The following MNAT1 variants were observed in gnomAD, a reference collection of about 807,000 sequenced individuals.
MNAT1 encodes the protein CDK-activating kinase assembly factor MAT1.
MNAT1 carries 43 observed loss-of-function variants against 42.0 expected under a neutral mutation model. That is an observed-to-expected ratio of 1.02 (90% CI 0.80 to 1.32). The LOEUF (loss-of-function observed/expected upper bound fraction) is 1.32. Among genes scored for constraint, MNAT1 ranks in the 40% most tolerant of loss-of-function variants. MNAT1 has a pLI of 0.00. For synonymous variants in MNAT1, 118 were observed against 120.0 expected, an observed-to-expected ratio of 0.98 and a Z score of 0.11; for missense variants, 306 against 350.4, an observed-to-expected ratio of 0.87 and a Z score of 1.01.
At chr14:60,766,137 C>T (rs2030804982) in intron 1 of MNAT1, among the ~76,000 whole-genome samples, 1 of 151,972 alleles carries the variant, frequency 6.6e-6, no homozygotes, top group Admixed American at 6.6e-5. Context: ...ATCACAAGGT[C>T]AGGAGTTTGA....
chr14:60,852,796 A>T (rs2033857166), intron 6 of MNAT1, among the ~76,000 whole-genome samples: 1 of 152,334 alleles, frequency 6.6e-6, no homozygotes, highest in East Asian at 1.9e-4. Context: ...CATTTATTAA[A>T]TAGGGAATCC....
intron 7 of MNAT1, among the ~76,000 whole-genome samples, chr14:60,938,000 T>C (rs559784537): frequency 3.9e-4 from 59 of 152,326 alleles, no homozygotes; most frequent in Non-Finnish European, 5.9e-4. Flanking sequence ...CAATTGTGAA[T>C]AGGAGTTCAC....
At chr14:60,789,347 C>T (rs1191837163) in intron 1 of MNAT1, among the ~76,000 whole-genome samples, 1 of 152,048 alleles carries the variant, frequency 6.6e-6, no homozygotes, top group Admixed American at 6.6e-5. Context: ...AACACCATGT[C>T]AGATATAACG....
intron 6 of MNAT1, among the ~76,000 whole-genome samples, chr14:60,864,396 T>C (rs968118715): frequency 5.9e-5 from 9 of 152,010 alleles, no homozygotes; most frequent in African/African-American, 2.2e-4. Context: ...GTTTAATAAA[T>C]AAATTTTCAT....
chr14:60,831,863 C>T (rs1173419647), intron 6 of MNAT1, among the ~76,000 whole-genome samples: 8 of 152,202 alleles, frequency 5.3e-5, no homozygotes, highest in African/African-American at 1.2e-4. Context: ...TTTTAATGAT[C>T]GCCATTCTAA....
chr14:60,946,914 G>A (rs2139598569), intron 7 of MNAT1, among the ~76,000 whole-genome samples: 1 of 152,302 alleles, frequency 6.6e-6, no homozygotes, highest in East Asian at 1.9e-4. Flanking sequence ...AGTCCTGGCT[G>A]ATTTGATTGC....
At chr14:60,938,960 G>A (rs898789552) in intron 7 of MNAT1, among the ~76,000 whole-genome samples, 14 of 152,230 alleles carry the variant, frequency 9.2e-5, no homozygotes, top group African/African-American at 3.4e-4. Flanking sequence ...TTTAGTGTTG[G>A]GAGGGTGTAT....
chr14:60,886,624 G>A (rs926370450), intron 7 of MNAT1, among the ~76,000 whole-genome samples: 2 of 150,256 alleles, frequency 1.3e-5, no homozygotes, highest in Admixed American at 1.3e-4. Flanking sequence ...TTGCATGTCT[G>A]TTTTGATTAC....
chr14:60,774,027 A>T (rs2031160984), intron 1 of MNAT1, among the ~76,000 whole-genome samples: 1 of 152,222 alleles, frequency 6.6e-6, no homozygotes. Context: ...ATAATTAGCT[A>T]TGAGAGAAAA....
At chr14:60,788,216 G>A (rs2031711672) in intron 1 of MNAT1, among the ~76,000 whole-genome samples, 1 of 152,122 alleles carries the variant, frequency 6.6e-6, no homozygotes, top group East Asian at 1.9e-4. Flanking sequence ...TCCATCAGAG[G>A]TCTTAGGTGA....
chr14:60,744,744 AT>A (rs1480419850), intron 1 of MNAT1, among the ~76,000 whole-genome samples: 1 of 152,050 alleles, frequency 6.6e-6, no homozygotes, highest in Non-Finnish European at 1.5e-5. Flanking sequence ...TTGGGGCTTG[AT>A]TTTAGTCTTT....
chr14:60,844,857 CA>C (rs778372362), intron 6 of MNAT1, among the ~76,000 whole-genome samples: 10 of 151,968 alleles, frequency 6.6e-5, no homozygotes, highest in Non-Finnish European at 1.2e-4. Flanking sequence ...TGAATTCTGT[CA>C]AGTGCTTTTT....
intron 7 of MNAT1, 26 bp from the exon 8 acceptor site, chr14:60,968,203 A>T: frequency 1.3e-6 from 2 of 1,550,416 alleles, no homozygotes; most frequent in South Asian, 1.1e-5. Flanking sequence ...TTGTATATCA[A>T]TGCTACACTT....
intron 6 of MNAT1, among the ~76,000 whole-genome samples, chr14:60,822,297 T>C (rs1397328531): frequency 6.6e-6 from 1 of 152,260 alleles, no homozygotes; most frequent in Non-Finnish European, 1.5e-5. Context: ...TGAAGATCAC[T>C]GATTAATAAA....
intron 7 of MNAT1, among the ~76,000 whole-genome samples, chr14:60,890,055 G>C (rs2034796874): frequency 1.3e-5 from 2 of 152,166 alleles, no homozygotes; most frequent in South Asian, 2.1e-4. Flanking sequence ...ATTCCTCAGG[G>C]ATCTAGAAGT....
intron 7 of MNAT1, among the ~76,000 whole-genome samples, chr14:60,938,325 C>G (rs1269095990): frequency 6.6e-6 from 1 of 152,164 alleles, no homozygotes; most frequent in East Asian, 1.9e-4. Flanking sequence ...GGGAATGCTT[C>G]CAGTTTTTGT....
intron 7 of MNAT1, among the ~76,000 whole-genome samples, chr14:60,924,308 T>C (rs1266998912): frequency 6.6e-6 from 1 of 151,740 alleles, no homozygotes; most frequent in African/African-American, 2.4e-5. Context: ...ACATGTAAAG[T>C]TTATAATTCA....
chr14:60,917,957 C>A (rs2035561785), intron 7 of MNAT1, among the ~76,000 whole-genome samples: 1 of 151,960 alleles, frequency 6.6e-6, no homozygotes, highest in Non-Finnish European at 1.5e-5. Flanking sequence ...GTTCCACTTG[C>A]ATTTGTATCA....
chr14:60,851,364 T>G (rs770738148), intron 6 of MNAT1, among the ~76,000 whole-genome samples: 2 of 152,220 alleles, frequency 1.3e-5, no homozygotes, highest in Non-Finnish European at 2.9e-5. Context: ...TTTGCTTTTC[T>G]TTATTGTGCT....
Sources: allele counts gnomAD v4.1 joint callset (sites outside exome capture counted in the v4.1 genomes callset), GRCh38; gene constraint gnomAD v4.1.1; transcripts MANE v1.5; gene names NCBI Gene and HGNC (gene_info 2026-07-23, HGNC 2026-07-21).